Variants in GPR37 observed in about 807,000 individuals in gnomAD.
The protein encoded by GPR37 is prosaposin receptor GPR37.
A neutral mutation model predicts 43.6 loss-of-function variants in GPR37; 20 were observed. The ratio of observed to expected loss-of-function variants is 0.46; its 90% confidence interval spans 0.32 to 0.67. GPR37 has a LOEUF of 0.67. Ranked by LOEUF, GPR37 falls within the 30% of genes least tolerant of loss-of-function variation. GPR37 has a pLI of 0.03. For missense variants in GPR37, 724 were observed against 797.2 expected, an observed-to-expected ratio of 0.91 and a Z score of 1.11; for synonymous variants, 315 against 322.6, an observed-to-expected ratio of 0.98 and a Z score of 0.25.
rs1793881095 is a variant in GPR37 at position 124,764,002 on chromosome 7, C to A, written c.975G>T (p.Lys325Asn). Reference protein sequence around the residue: ...LPLVIFHELTKKWLLEDFSCK... With the variant: ...LPLVIFHELTNKWLLEDFSCK... ...AGGAGAAGTCCTCCAGCAGCCACTT[C>A]TTGGTCAGCTCGTGGAAGATGACCA... The change falls in exon 1 of 2, where the codon AAG (lysine) becomes AAT (asparagine). Residue 325 changes from lysine (K) to asparagine (N), a missense_variant. This residue lies in a region of GPR37 where 342 missense variants were observed against 441.8 expected (regional missense o/e 0.77). Coordinates refer to ENST00000303921, the MANE Select transcript of GPR37 (RefSeq NM_005302.5). This position sits in a 1 kb window ranked among gnomAD's most constrained non-coding sequence, Gnocchi z 5.4. 1 of 1,614,006 alleles carries A rather than the reference C, an allele frequency of 6.2e-7. No homozygotes were observed. Among genetic ancestry groups the A allele is most frequent in the Non-Finnish European group, 8.5e-7 (1 of 1,180,032 alleles).
At chr7:124,759,798 G>A (rs779217515) in intron 1 of GPR37, among the ~76,000 whole-genome samples, 2 of 152,150 alleles carry the variant, frequency 1.3e-5, no homozygotes, top group Non-Finnish European at 2.9e-5. Flanking sequence ...ATAGACCTTG[G>A]AAGCTGGGTG....
chr7:124,757,871 C>T (rs1204964409), intron 1 of GPR37, among the ~76,000 whole-genome samples: 1 of 152,138 alleles, frequency 6.6e-6, no homozygotes, highest in Non-Finnish European at 1.5e-5. Context: ...GCCAGGTAAA[C>T]ATTTGATAAA....
rs566014766 is a variant in GPR37, at chr7:124,744,619, C to G, written c.*1906G>C. Reference sequence around the variant, plus strand: ...GCTCTCTTCTAACCCTATAAGCATTCCCTCTATTCCAAAGTATCGCAGAAC... The same window carrying G: ...GCTCTCTTCTAACCCTATAAGCATTGCCTCTATTCCAAAGTATCGCAGAAC... On this transcript the variant is annotated 3_prime_UTR_variant, in exon 2 of 2. Coordinates refer to ENST00000303921, the MANE Select transcript of GPR37 (RefSeq NM_005302.5). 1.3e-5 allele frequency: 2 copies of G among 152,300 alleles called. No homozygotes were observed. The highest frequency in any genetic ancestry group is 4.2e-4 in the South Asian group (2 of 4,816). The allele number at this position is 152,300 out of a possible 1,614,324, so 9.4% of individuals were successfully genotyped here.
At chr7:124,762,711 C>T (rs1477870959) in intron 1 of GPR37, among the ~76,000 whole-genome samples, 6 of 152,208 alleles carry the variant, frequency 3.9e-5, no homozygotes, top group African/African-American at 1.4e-4. Flanking sequence ...AATGATCCTG[C>T]ACCTGATCCC....
chr7:124,759,747 C>A (rs1793831510), intron 1 of GPR37, among the ~76,000 whole-genome samples: 1 of 152,224 alleles, frequency 6.6e-6, no homozygotes, highest in Non-Finnish European at 1.5e-5. Flanking sequence ...AACATTCTCA[C>A]TCACGGCAAT....
intron 1 of GPR37, among the ~76,000 whole-genome samples, chr7:124,747,907 T>C (rs1360246116): frequency 6.6e-6 from 1 of 152,116 alleles, no homozygotes; most frequent in Non-Finnish European, 1.5e-5. Context: ...TTCAAAGGCA[T>C]ACACTTACGG....
chr7:124,753,107 TA>T (rs1351286173), intron 1 of GPR37, among the ~76,000 whole-genome samples: 1 of 152,122 alleles, frequency 6.6e-6, no homozygotes, highest in Non-Finnish European at 1.5e-5. Flanking sequence ...AGTTTTCTCT[TA>T]AATGATAATA....
chr7:124,757,805 T>A (rs1288103460), intron 1 of GPR37, among the ~76,000 whole-genome samples: 1 of 152,202 alleles, frequency 6.6e-6, no homozygotes, highest in Non-Finnish European at 1.5e-5. Context: ...CTTTTCCCCC[T>A]CTTCCTGTAT....
rs781609406 is a variant in GPR37, at chr7:124,764,930, A to G, written c.47T>C (p.Leu16Pro). ...ALLARMSRLL[L>P]LLLLKVSASS... The stretch of plus-strand genomic sequence containing the variant: ...GGCAGACACCTTGAGCAGTAGCAGA[A>G]GCAGTAGCCGCGACATGCGGGCGAG... The change falls in exon 1 of 2, where the codon CTT (leucine) becomes CCT (proline). Residue 16 changes from leucine (L) to proline (P), a missense_variant. Physicochemically the swap from Leu to Pro is moderately conservative, Grantham distance 98. Transcript: ENST00000303921. This position sits in a 1 kb window ranked among gnomAD's most constrained non-coding sequence, Gnocchi z 5.4. 2 of 1,548,840 alleles carry G rather than the reference A, an allele frequency of 1.3e-6. No homozygotes were observed. Among genetic ancestry groups the G allele is most frequent in the East Asian group, 2.3e-5 (1 of 43,236 alleles).
Position 124,747,331 on chromosome 7 carries a change from C to G in GPR37, c.1036G>C (p.Gly346Arg), listed in dbSNP as rs1432966045. 1 of 1,607,850 alleles carries G rather than the reference C, an allele frequency of 6.2e-7. No individual in the cohort carries two copies. Among genetic ancestry groups the G allele is most frequent in the South Asian group, 1.1e-5 (1 of 90,356 alleles). Residue 346 changes from glycine (G) to arginine (R), a missense_variant, in exon 2 of 2, where the codon GGA (glycine) becomes CGA (arginine). By Grantham distance (125) the Gly-to-Arg change is moderately radical. Transcript: ENST00000303921. ...IVPYIEVASL[G>R]VTTFTLCALC... Reference sequence around the variant, plus strand: ...GCACATAAGGTGAAAGTGGTGACTCCCAGAGAAGCGACCTGTGGGGGAACA... The same window carrying G: ...GCACATAAGGTGAAAGTGGTGACTCGCAGAGAAGCGACCTGTGGGGGAACA...
chr7:124,758,595 C>T (rs1003678440), intron 1 of GPR37, among the ~76,000 whole-genome samples: 2 of 152,198 alleles, frequency 1.3e-5, no homozygotes, highest in Non-Finnish European at 2.9e-5. Flanking sequence ...TCCAAAAACC[C>T]TTTCTTTCTT....
rs1793683874 is a variant in GPR37 at position 124,747,291 on chromosome 7, C to T, written c.1076G>A (p.Arg359His). The T allele has an allele frequency of 2.5e-6, 4 of 1,613,664 alleles. No homozygotes were observed. The highest frequency in any genetic ancestry group is 2.2e-5 in the South Asian group (2 of 91,054). Residue 359 changes from arginine to histidine, a missense_variant, in exon 2 of 2, where the codon CGC becomes CAC. Around this residue, in one of 2 missense-constraint regions of GPR37, gnomAD observed 342 missense variants for 441.8 expected, o/e 0.77. Transcript: ENST00000303921. ...CTGTACGTTGGTGGCAGCACGGAAG[C>T]GGTCTATGCACAGAGCACATAAGGT... ...TFTLCALCID[R>H]FRAATNVQMY...
intron 1 of GPR37, among the ~76,000 whole-genome samples, chr7:124,750,147 C>T (rs1332585386): frequency 1.3e-5 from 2 of 152,090 alleles, no homozygotes; most frequent in African/African-American, 4.8e-5. Flanking sequence ...CAAACAGTAT[C>T]ATGTAGAAAT....
intron 1 of GPR37, among the ~76,000 whole-genome samples, chr7:124,754,555 A>G (rs1207822275): frequency 1.3e-5 from 2 of 152,174 alleles, no homozygotes; most frequent in Non-Finnish European, 2.9e-5. Context: ...TTGAATCTAC[A>G]TGCTCAAGTA....
chr7:124,762,259 ATTC>A (rs1793859826), intron 1 of GPR37, among the ~76,000 whole-genome samples: 2 of 152,140 alleles, frequency 1.3e-5, no homozygotes, highest in African/African-American at 4.8e-5. Flanking sequence ...TGAATTTGAT[ATTC>A]TTTTCTTTTA....
chr7:124,755,886 C>T (rs924675300), intron 1 of GPR37, among the ~76,000 whole-genome samples: 1 of 152,146 alleles, frequency 6.6e-6, no homozygotes, highest in African/African-American at 2.4e-5. Context: ...AGCAGTAACA[C>T]ATTTTTACCT....
At position 124,744,953 on chromosome 7, in the gene GPR37, G is replaced by A. The variant is rs982514017; in HGVS notation, c.*1572C>T. The A allele has an allele frequency of 6.6e-6, 1 of 152,106 alleles. No individual in the cohort carries two copies. Among genetic ancestry groups the A allele is most frequent in the East Asian group, 1.9e-4 (1 of 5,178 alleles). The allele number at this position is 152,106 out of a possible 1,614,324, so 9.4% of individuals were successfully genotyped here. A position where few individuals can be genotyped will look rare whatever the true frequency, so the allele number is the denominator to read the frequency against. ...AAATTTTCCAAAGACCTATTACAGG[G>A]ATCTACAAGAAGACAAGGGCACCTT... On this transcript the variant is annotated 3_prime_UTR_variant, in exon 2 of 2. Coordinates refer to ENST00000303921, the MANE Select transcript of GPR37 (RefSeq NM_005302.5).
chr7:124,764,427 T>C lies in GPR37; in HGVS notation c.550A>G (p.Arg184Gly), dbSNP rs1207015901. The C allele has an allele frequency of 6.2e-7, 1 of 1,613,546 alleles. No individual in the cohort carries two copies. The highest frequency in any genetic ancestry group is 8.5e-7 in the Non-Finnish European group (1 of 1,180,034). Residue 184 changes from arginine (R) to glycine (G), a missense_variant, in exon 1 of 2, where the codon AGG becomes GGG. Transcript: ENST00000303921. This position sits in a 1 kb window ranked among gnomAD's most constrained non-coding sequence, Gnocchi z 5.4. ...PGASDLFYWP[R>G]RAGKLQGSHH... The stretch of plus-strand genomic sequence containing the variant: ...GAACCCTGGAGTTTCCCGGCTCTCC[T>C]TGGCCAGTAAAAAAGATCGCTGGCT...
At position 124,764,420 on chromosome 7, in the gene GPR37, G is replaced by C. The variant is rs1793890008; in HGVS notation, c.557C>G (p.Ala186Gly). Residue 186 changes from alanine to glycine, a missense_variant, in exon 1 of 2, where the codon GCC becomes GGC. Around this residue, in one of 2 missense-constraint regions of GPR37, gnomAD observed 382 missense variants for 355.4 expected, o/e 1.07. Transcript: ENST00000303921. This position sits in a 1 kb window ranked among gnomAD's most constrained non-coding sequence, Gnocchi z 5.4. ...ASDLFYWPRR[A>G]GKLQGSHHKP... is the part of the protein sequence containing the mutation. ...GTGGTGGGAACCCTGGAGTTTCCCGGCTCTCCTTGGCCAGTAAAAAAGATC... is the reference window on the plus strand; with the variant it reads ...GTGGTGGGAACCCTGGAGTTTCCCGCCTCTCCTTGGCCAGTAAAAAAGATC... 1.2e-6 allele frequency: 2 copies of C among 1,613,480 alleles called. No homozygotes were observed. The highest frequency in any genetic ancestry group is 1.3e-5 in the African/African-American group (1 of 74,926).
Sources: allele counts gnomAD v4.1 joint callset (sites outside exome capture counted in the v4.1 genomes callset), GRCh38; gene constraint gnomAD v4.1.1; regional missense constraint gnomAD v4.1.1; non-coding constraint Gnocchi (gnomAD v3.1); transcripts MANE v1.5; gene names NCBI Gene and HGNC (gene_info 2026-07-23, HGNC 2026-07-21).